SBF2: variants seen among roughly 807,000 people sequenced by gnomAD.
SBF2 encodes SET binding factor 2, also known as myotubularin-related protein 13.
In SBF2, 112 loss-of-function variants were observed where a neutral mutation model predicts 225.2. The observed-to-expected ratio is 0.50, with a 90% CI of 0.43 to 0.58. The LOEUF (loss-of-function observed/expected upper bound fraction) is 0.58, where lower values mean the gene tolerates loss of function less well. Ranked by LOEUF, SBF2 falls within the 20% of genes least tolerant of loss-of-function variation. SBF2 has a pLI of 0.00. For missense variants in SBF2, 1,996 were observed against 2,206.2 expected, an observed-to-expected ratio of 0.90 and a Z score of 1.91; for synonymous variants, 763 against 773.3, an observed-to-expected ratio of 0.99 and a Z score of 0.22.
At chr11:10,118,797 C>G (rs1343235433) in intron 2 of SBF2, among the ~76,000 whole-genome samples, 1 of 151,758 alleles carries the variant, frequency 6.6e-6, no homozygotes, top group Non-Finnish European at 1.5e-5. Flanking sequence ...ATTAGAAAAT[C>G]TCAAACATTT....
chr11:10,019,179 A>G (rs1156514738), intron 6 of SBF2, among the ~76,000 whole-genome samples: 1 of 152,190 alleles, frequency 6.6e-6, no homozygotes, highest in East Asian at 1.9e-4. Flanking sequence ...CATTTTGTGA[A>G]AAAAAACATA....
chr11:9,937,004 C>G (rs760386655), intron 16 of SBF2, among the ~76,000 whole-genome samples: 9 of 152,098 alleles, frequency 5.9e-5, no homozygotes, highest in Non-Finnish European at 1.2e-4. Context: ...AACACCAACA[C>G]ATCAGGGGCC....
At chr11:9,922,244 T>C (rs916976239) in intron 16 of SBF2, among the ~76,000 whole-genome samples, 2 of 151,882 alleles carry the variant, frequency 1.3e-5, no homozygotes, top group African/African-American at 4.8e-5. Flanking sequence ...AGCAAGACTC[T>C]GTCTCAAAAA....
intron 26 of SBF2, among the ~76,000 whole-genome samples, chr11:9,837,878 C>G (rs913127996): frequency 2.0e-5 from 3 of 152,094 alleles, no homozygotes; most frequent in Non-Finnish European, 2.9e-5. Context: ...GCTGGGACTA[C>G]AGGCACAAGC....
In SBF2 at chr11:9,829,437, A is replaced by T. The variant is rs1564890006; in HGVS notation, c.3712T>A (p.Leu1238Ile). ...SIEQEKYLQA[L>I]LNAVSVHQKL... ...TGATGGACAGAAACAGCATTCAGTAAGGCTTGCAAGTATTTCTCTTGTTCT... is the reference window on the plus strand; with the variant it reads ...TGATGGACAGAAACAGCATTCAGTATGGCTTGCAAGTATTTCTCTTGTTCT... The change falls in exon 28 of 40, where the codon TTA becomes ATA. Residue 1238 changes from leucine (L) to isoleucine (I), a missense_variant. Transcript: ENST00000256190. 6.2e-7 allele frequency: 1 copy of T among 1,613,748 alleles called. No individual in the cohort carries two copies.
chr11:10,161,153 C>T (rs1002883236), intron 2 of SBF2, among the ~76,000 whole-genome samples: 1 of 143,794 alleles, frequency 7.0e-6, no homozygotes, highest in Non-Finnish European at 1.5e-5. Context: ...CCATTGCACT[C>T]CAGCCTGGGC....
intron 2 of SBF2, among the ~76,000 whole-genome samples, chr11:10,128,308 T>C (rs771303612): frequency 6.6e-6 from 1 of 152,228 alleles, no homozygotes; most frequent in Non-Finnish European, 1.5e-5. Context: ...AACACAGAAG[T>C]TGGGAGAAGT....
At chr11:10,229,661 C>T (rs1426177558) in intron 1 of SBF2, among the ~76,000 whole-genome samples, 1 of 152,160 alleles carries the variant, frequency 6.6e-6, no homozygotes, top group Non-Finnish European at 1.5e-5. Context: ...AGTTTGATTG[C>T]ACTGTGGTCT....
intron 16 of SBF2, among the ~76,000 whole-genome samples, chr11:9,914,424 G>C (rs970629098): frequency 1.3e-5 from 2 of 152,198 alleles, no homozygotes; most frequent in Non-Finnish European, 2.9e-5. Context: ...AAGGAGCAAA[G>C]GCAGTAGGAT....
At chr11:9,793,980 A>G (rs1852924579) in intron 33 of SBF2, among the ~76,000 whole-genome samples, 1 of 152,190 alleles carries the variant, frequency 6.6e-6, no homozygotes, top group Non-Finnish European at 1.5e-5. Context: ...TAAAAAACCA[A>G]AAACTTAGCC....
At chr11:9,920,184 G>A (rs1418955435) in intron 16 of SBF2, among the ~76,000 whole-genome samples, 2 of 76,662 alleles carry the variant, frequency 2.6e-5, no homozygotes, top group Non-Finnish European at 7.3e-5. Flanking sequence ...AATACTATAT[G>A]TGTGTGTGTG....
At chr11:9,787,291 C>G (rs1465889603) in intron 36 of SBF2, among the ~76,000 whole-genome samples, 1 of 152,174 alleles carries the variant, frequency 6.6e-6, no homozygotes, top group Non-Finnish European at 1.5e-5. Context: ...AAAATACTTT[C>G]TGTGGAGCAA....
intron 26 of SBF2, chr11:9,838,195 T>C (rs958095673): frequency 6.6e-6 from 1 of 152,170 alleles, no homozygotes; most frequent in African/African-American, 2.4e-5. Flanking sequence ...TCCCCTTTTT[T>C]TTCCTTTCTT....
chr11:10,229,667 G>A (rs1213935206), intron 1 of SBF2, among the ~76,000 whole-genome samples: 9 of 152,166 alleles, frequency 5.9e-5, no homozygotes, highest in Admixed American at 4.6e-4. Context: ...ATTGCACTGT[G>A]GTCTGAGAGA....
chr11:10,081,891 T>C (rs187935884), intron 2 of SBF2, among the ~76,000 whole-genome samples: 2 of 146,550 alleles, frequency 1.4e-5, no homozygotes, highest in South Asian at 2.2e-4. Flanking sequence ...TTCAAGCAAA[T>C]AGAAAGAAAT....
At chr11:9,907,430 C>A (rs1031849641) in intron 16 of SBF2, among the ~76,000 whole-genome samples, 2 of 152,182 alleles carry the variant, frequency 1.3e-5, no homozygotes, top group Admixed American at 6.5e-5. Flanking sequence ...TACATGCTTT[C>A]TCCTTGGTAT....
At chr11:10,235,178 G>C (rs1405417743) in intron 1 of SBF2, among the ~76,000 whole-genome samples, 2 of 152,140 alleles carry the variant, frequency 1.3e-5, no homozygotes, top group Non-Finnish European at 2.9e-5. Context: ...ACACTTTATT[G>C]TTTTTCAAGT....
intron 1 of SBF2, among the ~76,000 whole-genome samples, chr11:10,257,633 C>A (rs1005452725): frequency 2.1e-5 from 3 of 145,894 alleles, no homozygotes; most frequent in Non-Finnish European, 4.5e-5. Context: ...TCACTGCACT[C>A]CAGCCTGGGT....
At chr11:10,101,768 T>C (rs561696711) in intron 2 of SBF2, among the ~76,000 whole-genome samples, 2 of 152,032 alleles carry the variant, frequency 1.3e-5, no homozygotes, top group African/African-American at 4.8e-5. Flanking sequence ...AGACTAGTCT[T>C]AGGCTGCAGC....
Sources: gnomAD v4.1 joint callset for allele counts (sites outside exome capture counted in the v4.1 genomes callset) on GRCh38, gnomAD v4.1.1 for gene constraint, MANE v1.5 for transcripts, NCBI Gene and HGNC (gene_info 2026-07-23, HGNC 2026-07-21) for gene names.